Variants in DDX31 observed in about 807,000 individuals in gnomAD.
The protein encoded by DDX31 is ATP-dependent DNA helicase DDX31.
A neutral mutation model predicts 91.3 loss-of-function variants in DDX31; 70 were observed. The observed-to-expected ratio is 0.77, with a 90% CI of 0.63 to 0.94. DDX31 has a LOEUF of 0.94. Among genes scored for constraint, DDX31 ranks in the 40% least tolerant of loss-of-function variants. The pLI is 0.00. For synonymous variants in DDX31, 362 were observed against 350.6 expected (o/e 1.03, Z -0.36); for missense variants, 902 against 925.0 (o/e 0.98, Z 0.32).
intron 3 of DDX31, 71 bp downstream of exon 3, chr9:132,662,190 A>G (rs1342509422): frequency 1.3e-6 from 2 of 1,518,938 alleles, no homozygotes; most frequent in African/African-American, 1.4e-5. Context: ...TAGAGCGGCC[A>G]TTTCACAGAC....
At chr9:132,623,551 CAA>C (rs34868804) in intron 17 of DDX31, among the ~76,000 whole-genome samples, 5 of 66,758 alleles carry the variant, frequency 7.5e-5, no homozygotes, top group Non-Finnish European at 1.1e-4. Flanking sequence ...GACTCCATCT[CAA>C]AAAAAAAAAA....
intron 6 of DDX31, among the ~76,000 whole-genome samples, chr9:132,657,911 T>A (rs564420280): frequency 6.6e-6 from 1 of 152,228 alleles, no homozygotes; most frequent in Non-Finnish European, 1.5e-5. Context: ...CAATTTGTCC[T>A]CATATTAACA....
intron 16 of DDX31, 29 bp downstream of exon 16, chr9:132,630,235 C>A: frequency 2.6e-6 from 4 of 1,557,784 alleles, no homozygotes; most frequent in South Asian, 2.4e-5. Flanking sequence ...GTGAGACCAG[C>A]CGAAACCCCA....
chr9:132,597,638 G>A (rs1221161878), intron 19 of DDX31, among the ~76,000 whole-genome samples: 1 of 152,196 alleles, frequency 6.6e-6, no homozygotes, highest in African/African-American at 2.4e-5. Context: ...TACAGAAGCG[G>A]TGCGGGCTGC....
chr9:132,644,899 G>A (rs775663219), intron 13 of DDX31, among the ~76,000 whole-genome samples: 11 of 152,098 alleles, frequency 7.2e-5, no homozygotes, highest in Non-Finnish European at 1.5e-4. Context: ...GCAAATAACC[G>A]GTGTCCTTGA....
Position 132,661,235 on chromosome 9 carries a change from G to A in DDX31, c.425C>T (p.Thr142Met), listed in dbSNP as rs899330341. 1.2e-5 allele frequency: 20 copies of A among 1,606,174 alleles called. 1 individual carries two copies. Among genetic ancestry groups the A allele is most frequent in the Middle Eastern group, 1.6e-4 (1 of 6,070 alleles). Reference protein sequence around the residue: ...LHPHLISTINTVLKMSSMTSV... With the variant: ...LHPHLISTINMVLKMSSMTSV... Reference sequence around the variant, plus strand: ...GGTCATACTAGACATTTTTAAGACCGTATTTATTGTGGAAATCTAAAAGAG... The same window carrying A: ...GGTCATACTAGACATTTTTAAGACCATATTTATTGTGGAAATCTAAAAGAG... The change falls in exon 4 of 20, where the codon ACG becomes ATG. Residue 142 changes from threonine to methionine, a missense_variant. By Grantham distance (81) the Thr-to-Met change is moderately conservative. Transcript: ENST00000372159.
At chr9:132,654,804 G>A (rs1224698037) in intron 6 of DDX31, among the ~76,000 whole-genome samples, 2 of 151,818 alleles carry the variant, frequency 1.3e-5, no homozygotes, top group East Asian at 3.9e-4. Context: ...AAATTAGGCG[G>A]GCGTGGTGGT....
rs146968990 is a variant in DDX31 at position 132,616,136 on chromosome 9, C to T, written c.1825+2194G>A. Among the ~76,000 whole-genome samples the T allele has an allele frequency of 4.1e-3, 618 of 152,232 alleles. 18 individuals carry two copies. The highest frequency in any genetic ancestry group is 1.4e-3 in the East Asian group (7 of 5,184). The stretch of plus-strand genomic sequence containing the variant: ...TCTCTCAAGCCTCCAAAACTCAGTC[C>T]TAAGAAACAGGAGAGAAGGAATGGT... On this transcript the variant is annotated intron_variant, in intron 18 of 19. Coordinates refer to ENST00000372159, the MANE Select transcript of DDX31 (RefSeq NM_022779.9).
At chr9:132,648,166 C>T (rs747354612) in intron 11 of DDX31, 23 bp downstream of exon 11, 4 of 1,567,188 alleles carry the variant, frequency 2.6e-6, no homozygotes, top group Admixed American at 1.8e-5. Context: ...CAAAGAAGGA[C>T]CCATCACTTC....
rs80002340 is a variant in DDX31, at chr9:132,598,862, T to C, written c.1995-3750A>G. 9.6e-3 allele frequency among the ~76,000 whole-genome samples: 1,464 copies of C among 152,372 alleles called. 10 individuals are homozygous for C. The highest frequency in any genetic ancestry group is 0.015 in the Non-Finnish European group (998 of 68,036). The stretch of plus-strand genomic sequence containing the variant: ...ATTTTCATCTAGCTTGCTACTGCTT[T>C]AATTCCATCTAAGTTTTATTTTGAT... On this transcript the variant is annotated intron_variant, in intron 19 of 19. Coordinates refer to ENST00000372159, the MANE Select transcript of DDX31 (RefSeq NM_022779.9).
intron 14 of DDX31, among the ~76,000 whole-genome samples, chr9:132,634,057 A>G (rs1184279166): frequency 1.3e-5 from 2 of 152,206 alleles, no homozygotes; most frequent in East Asian, 3.8e-4. Flanking sequence ...AAGGAGGAGT[A>G]ACGACACCCA....
At chr9:132,619,065 C>T (rs1188132293) in intron 17 of DDX31, among the ~76,000 whole-genome samples, 1 of 152,328 alleles carries the variant, frequency 6.6e-6, no homozygotes, top group South Asian at 2.1e-4. Flanking sequence ...CAAAGACTGC[C>T]TGGATCTTTG....
At chr9:132,644,013 C>A (rs1015143231) in intron 13 of DDX31, among the ~76,000 whole-genome samples, 1 of 151,750 alleles carries the variant, frequency 6.6e-6, no homozygotes, top group Non-Finnish European at 1.5e-5. Context: ...TTTTTTAGAA[C>A]CATGTCAACC....
intron 1 of DDX31, among the ~76,000 whole-genome samples, chr9:132,665,066 A>G (rs1011920529): frequency 6.6e-6 from 1 of 152,194 alleles, no homozygotes; most frequent in Admixed American, 6.5e-5. Flanking sequence ...AATAATAAGC[A>G]TAGCACGGAA....
intron 17 of DDX31, among the ~76,000 whole-genome samples, chr9:132,618,965 T>G (rs1294469852): frequency 6.6e-6 from 1 of 152,138 alleles, no homozygotes; most frequent in African/African-American, 2.4e-5. Flanking sequence ...GGTTCAGACT[T>G]CTAGTGTTTC....
chr9:132,610,069 G>C (rs951884899), intron 19 of DDX31, among the ~76,000 whole-genome samples: 8 of 152,084 alleles, frequency 5.3e-5, no homozygotes, highest in African/African-American at 1.7e-4. Context: ...GTTTCATTCC[G>C]CACTCAAATC....
In DDX31 at chr9:132,630,327, C is replaced by T; in HGVS notation, c.1568G>A (p.Ser523Asn). The T allele has an allele frequency of 6.2e-7, 1 of 1,603,442 alleles. No individual in the cohort carries two copies. Among genetic ancestry groups the T allele is most frequent in the Non-Finnish European group, 8.5e-7 (1 of 1,171,260 alleles). ...RTARIGCHGS[S>N]LLILAPSEAE... is the part of the protein sequence containing the mutation. Reference sequence around the variant, plus strand: ...CTCCGAAGGAGCCAAAATGAGCAGGCTGCTCCCATGGCAGCCAATCCGGGC... The same window carrying T: ...CTCCGAAGGAGCCAAAATGAGCAGGTTGCTCCCATGGCAGCCAATCCGGGC... The change falls in exon 16 of 20, where the codon AGC becomes AAC. Residue 523 changes from serine (S) to asparagine (N), a missense_variant. Physicochemically the swap from Ser to Asn is conservative, Grantham distance 46 (BLOSUM62 1). Coordinates refer to ENST00000372159, the MANE Select transcript of DDX31 (RefSeq NM_022779.9).
chr9:132,652,486 C>G lies in DDX31; in HGVS notation c.595G>C (p.Asp199His). 1.9e-6 allele frequency: 3 copies of G among 1,614,126 alleles called. No individual in the cohort carries two copies. The highest frequency in any genetic ancestry group is 2.5e-6 in the Non-Finnish European group (3 of 1,180,030). The change falls in exon 7 of 20, where the codon GAT becomes CAT. Residue 199 changes from aspartate to histidine, a missense_variant. Physicochemically the swap from Asp to His is moderately conservative, Grantham distance 81 (BLOSUM62 -1). Coordinates refer to ENST00000372159, the MANE Select transcript of DDX31 (RefSeq NM_022779.9). Reference protein sequence around the residue: ...QAMESKIQRSDGPYALVLVPT... With the variant: ...QAMESKIQRSHGPYALVLVPT... Reference sequence around the variant, plus strand: ...ACGAGCACCAGGGCATAGGGGCCATCACTGCGCTGTTGACACACAGAAAAA... The same window carrying G: ...ACGAGCACCAGGGCATAGGGGCCATGACTGCGCTGTTGACACACAGAAAAA...
chr9:132,653,753 C>T (rs142026484), intron 6 of DDX31, among the ~76,000 whole-genome samples: 21 of 151,794 alleles, frequency 1.4e-4, no homozygotes, highest in African/African-American at 3.6e-4. Context: ...ACTCCATAAA[C>T]GTAATGTGAT....
Sources: allele counts gnomAD v4.1 joint callset (sites outside exome capture counted in the v4.1 genomes callset), GRCh38; gene constraint gnomAD v4.1.1; transcripts MANE v1.5; gene names NCBI Gene and HGNC (gene_info 2026-07-23, HGNC 2026-07-21).